The following EPB41L2 variants were observed in gnomAD, a reference collection of about 807,000 sequenced individuals.
EPB41L2 encodes the protein band 4.1-like protein 2.
Under a neutral mutation model 113.0 loss-of-function variants are expected in EPB41L2, and 43 were observed. The observed-to-expected ratio is 0.38, with a 90% confidence interval of 0.30 to 0.49. EPB41L2 has a LOEUF of 0.49. Among genes scored for constraint, EPB41L2 ranks in the 20% least tolerant of loss-of-function variants. The pLI is 0.95. For synonymous variants in EPB41L2, 442 were observed against 436.7 expected (o/e 1.01, Z -0.15); for missense variants, 1,147 against 1,223.4 (o/e 0.94, Z 0.93).
chr6:130,930,699 A>C (rs779863292), intron 3 of EPB41L2, among the ~76,000 whole-genome samples: 1 of 152,172 alleles, frequency 6.6e-6, no homozygotes, highest in African/African-American at 2.4e-5. Context: ...AATCTCAAAA[A>C]ACATACATTA....
chr6:130,968,890 G>T (rs1776033290), intron 1 of EPB41L2, among the ~76,000 whole-genome samples: 1 of 152,058 alleles, frequency 6.6e-6, no homozygotes, highest in South Asian at 2.1e-4. Context: ...TAAAATTCTT[G>T]AAGTTCAACA....
chr6:130,912,822 A>C (rs1799836614), intron 4 of EPB41L2, among the ~76,000 whole-genome samples: 1 of 152,146 alleles, frequency 6.6e-6, no homozygotes, highest in African/African-American at 2.4e-5. Context: ...GAAAGGGGCA[A>C]ATGGGTGGAA....
chr6:131,043,909 A>C (rs1050814993), intron 1 of EPB41L2, among the ~76,000 whole-genome samples: 5 of 152,202 alleles, frequency 3.3e-5, no homozygotes, highest in Admixed American at 2.0e-4. Context: ...CAGATAAAAG[A>C]AAGCCAGCCA....
At chr6:130,908,150 T>C (rs1413101707) in intron 5 of EPB41L2, among the ~76,000 whole-genome samples, 2 of 152,162 alleles carry the variant, frequency 1.3e-5, no homozygotes, top group Non-Finnish European at 2.9e-5. Flanking sequence ...CAAAACAACC[T>C]GCAGAGGCAG....
chr6:130,921,272 C>T (rs912635781), intron 4 of EPB41L2, among the ~76,000 whole-genome samples: 5 of 152,162 alleles, frequency 3.3e-5, no homozygotes, highest in South Asian at 2.1e-4. Context: ...CACGTTACTT[C>T]CTACTTAAAA....
intron 1 of EPB41L2, among the ~76,000 whole-genome samples, chr6:131,053,961 G>A (rs1797126267): frequency 6.6e-6 from 1 of 152,188 alleles, no homozygotes; most frequent in African/African-American, 2.4e-5. Flanking sequence ...CACAAACATG[G>A]AGTCAGGGGT....
intron 3 of EPB41L2, among the ~76,000 whole-genome samples, chr6:130,939,289 T>TA (rs1236241309): frequency 6.6e-6 from 1 of 151,648 alleles, no homozygotes; most frequent in Non-Finnish European, 1.5e-5. Context: ...AGTCTCACTC[T>TA]ATCACCCAGG....
chr6:131,058,985 C>T (rs1366745234), intron 1 of EPB41L2, among the ~76,000 whole-genome samples: 1 of 152,188 alleles, frequency 6.6e-6, no homozygotes, highest in Non-Finnish European at 1.5e-5. Flanking sequence ...CACTGCACTC[C>T]AGCCTGAACG....
intron 3 of EPB41L2, among the ~76,000 whole-genome samples, chr6:130,939,549 G>A (rs193113133): frequency 3.3e-5 from 5 of 152,072 alleles, no homozygotes; most frequent in South Asian, 4.2e-4. Context: ...CACCGCGCCC[G>A]GCCCCAAATA....
intron 1 of EPB41L2, chr6:131,013,988 G>C (rs906234896): frequency 6.6e-6 from 1 of 150,936 alleles, no homozygotes; most frequent in Non-Finnish European, 1.5e-5. Context: ...GCTATTTCCT[G>C]ATGCTTAATT....
chr6:130,888,595 T>C (rs1253208654), intron 11 of EPB41L2, among the ~76,000 whole-genome samples: 1 of 152,198 alleles, frequency 6.6e-6, no homozygotes, highest in Non-Finnish European at 1.5e-5. Flanking sequence ...AAACAGACAG[T>C]GTTCCAGAAA....
At chr6:130,977,786 G>A (rs1343620070) in intron 1 of EPB41L2, among the ~76,000 whole-genome samples, 1 of 152,192 alleles carries the variant, frequency 6.6e-6, no homozygotes, top group Non-Finnish European at 1.5e-5. Context: ...AAAAGTAGCA[G>A]CTGCTAACCT....
At chr6:130,884,052 CGGCCG>C (rs1236595120) in intron 12 of EPB41L2, among the ~76,000 whole-genome samples, 5 of 152,054 alleles carry the variant, frequency 3.3e-5, no homozygotes, top group African/African-American at 1.2e-4. Flanking sequence ...AAACACTATA[CGGCCG>C]GGCTCAGTGG....
At chr6:131,053,965 CA>C (rs1302203333) in intron 1 of EPB41L2, among the ~76,000 whole-genome samples, 1 of 152,240 alleles carries the variant, frequency 6.6e-6, no homozygotes, top group Non-Finnish European at 1.5e-5. Flanking sequence ...AACATGGAGT[CA>C]GGGGTCTTTG....
At chr6:130,927,023 C>G (rs1258630996) in intron 3 of EPB41L2, among the ~76,000 whole-genome samples, 1 of 152,174 alleles carries the variant, frequency 6.6e-6, no homozygotes, top group Non-Finnish European at 1.5e-5. Context: ...AATGTTCAAA[C>G]TGCTTCCATC....
chr6:130,986,439 GA>G lies in EPB41L2; in HGVS notation c.-14-29941del, dbSNP rs199890054. The stretch of plus-strand genomic sequence containing the variant: ...CACCAGGATAGCAATATTTAAAAAA[GA>G]AAAAAAAAAGAACTGTTGGCAAGGA... On this transcript the variant is annotated intron_variant, in intron 1 of 19. Transcript: ENST00000337057. 3.9e-4 allele frequency among the ~76,000 whole-genome samples: 56 copies of G among 145,370 alleles called. 1 individual carries two copies. The highest frequency in any genetic ancestry group is 3.1e-3 in the Admixed American group (45 of 14,596).
intron 1 of EPB41L2, among the ~76,000 whole-genome samples, chr6:130,986,044 T>A (rs1381231991): frequency 6.6e-6 from 1 of 152,062 alleles, no homozygotes; most frequent in African/African-American, 2.4e-5. Context: ...AACATCCCTA[T>A]AAACATACGG....
chr6:131,004,949 T>C (rs1785141309), intron 1 of EPB41L2, among the ~76,000 whole-genome samples: 1 of 152,228 alleles, frequency 6.6e-6, no homozygotes. Flanking sequence ...CATAAAGCTT[T>C]GCAACTTTCT....
chr6:130,998,053 G>A (rs1355283617), intron 1 of EPB41L2, among the ~76,000 whole-genome samples: 2 of 152,118 alleles, frequency 1.3e-5, no homozygotes, highest in Non-Finnish European at 2.9e-5. Flanking sequence ...ATTATGATAA[G>A]CAATCTATGT....
Sources: gnomAD v4.1 joint callset for allele counts (sites outside exome capture counted in the v4.1 genomes callset) on GRCh38, gnomAD v4.1.1 for gene constraint, MANE v1.5 for transcripts, NCBI Gene and HGNC (gene_info 2026-07-23, HGNC 2026-07-21) for gene names.